Variants in PALM2AKAP2 observed in about 807,000 individuals in gnomAD.
The protein encoded by PALM2AKAP2 is PALM2 and AKAP2 fusion.
In PALM2AKAP2, 37 loss-of-function variants were observed where a neutral mutation model predicts 71.5. The observed-to-expected ratio is 0.52, with a 90% CI of 0.40 to 0.68. PALM2AKAP2 has a LOEUF of 0.68. Among genes scored for constraint, PALM2AKAP2 ranks in the 30% least tolerant of loss-of-function variants. The pLI is 0.00. For synonymous variants in PALM2AKAP2, 468 were observed against 478.8 expected (o/e 0.98, Z 0.29); for missense variants, 1,224 against 1,191.8 (o/e 1.03, Z -0.40).
chr9:109,772,498 C>A (rs1424545169), intron 1 of PALM2AKAP2, among the ~76,000 whole-genome samples: 1 of 152,216 alleles, frequency 6.6e-6, no homozygotes, highest in Non-Finnish European at 1.5e-5. Flanking sequence ...ACAAAAGATC[C>A]AAGTTTTTCT....
chr9:110,164,432 T>G (rs922501115), intron 3 of PALM2AKAP2, among the ~76,000 whole-genome samples: 4 of 152,200 alleles, frequency 2.6e-5, no homozygotes, highest in Non-Finnish European at 4.4e-5. Flanking sequence ...AAAATTAATA[T>G]TAAAGGGTTG....
intron 1 of PALM2AKAP2, among the ~76,000 whole-genome samples, chr9:109,655,155 G>T (rs1176865924): frequency 1.3e-5 from 2 of 152,098 alleles, no homozygotes; most frequent in Non-Finnish European, 2.9e-5. Context: ...AATTAGCCGG[G>T]TGTGGTGGCG....
At chr9:110,122,564 G>A (rs1196410330) in intron 1 of PALM2AKAP2, among the ~76,000 whole-genome samples, 2 of 152,184 alleles carry the variant, frequency 1.3e-5, no homozygotes, top group African/African-American at 2.4e-5. Context: ...TTAATGGGAG[G>A]ATTAAATAGA....
At chr9:109,881,230 G>A (rs1388806692) in intron 3 of PALM2AKAP2, among the ~76,000 whole-genome samples, 2 of 152,114 alleles carry the variant, frequency 1.3e-5, no homozygotes, top group African/African-American at 4.8e-5. Flanking sequence ...CTTTTTTGTG[G>A]CTGCAAAGAG....
At chr9:109,846,667 G>A (rs1386482458) in intron 1 of PALM2AKAP2, among the ~76,000 whole-genome samples, 13 of 152,170 alleles carry the variant, frequency 8.5e-5, no homozygotes, top group Admixed American at 2.6e-4. Context: ...AGTCTTCCTG[G>A]TAGTGTTGTA....
intron 1 of PALM2AKAP2, among the ~76,000 whole-genome samples, chr9:109,676,654 G>C (rs1442710274): frequency 6.6e-6 from 1 of 152,158 alleles, no homozygotes; most frequent in East Asian, 1.9e-4. Flanking sequence ...AAAAGGGCTT[G>C]CATAAATCCC....
chr9:109,819,711 G>A (rs34081699), intron 1 of PALM2AKAP2, among the ~76,000 whole-genome samples: 47,781 of 148,692 alleles, frequency 0.32, 7,787 homozygotes, highest in East Asian at 0.35. Context: ...GTGTATGTGT[G>A]TGTGTGTGTG....
At chr9:109,766,148 T>G (rs1328044153) in intron 1 of PALM2AKAP2, among the ~76,000 whole-genome samples, 1 of 152,214 alleles carries the variant, frequency 6.6e-6, no homozygotes, top group African/African-American at 2.4e-5. Flanking sequence ...GGACATGCTA[T>G]GCACTGAGCA....
intron 7 of PALM2AKAP2, among the ~76,000 whole-genome samples, chr9:110,021,753 A>C (rs954082209): frequency 3.3e-5 from 5 of 152,064 alleles, no homozygotes; most frequent in Non-Finnish European, 7.4e-5. Context: ...AAAAAAAAAA[A>C]AAACAGGTAT....
At chr9:109,760,812 A>G (rs1358901649) in intron 1 of PALM2AKAP2, among the ~76,000 whole-genome samples, 1 of 152,084 alleles carries the variant, frequency 6.6e-6, no homozygotes, top group Non-Finnish European at 1.5e-5. Flanking sequence ...AATGCACTCA[A>G]TTTTCCTCCC....
chr9:110,129,479 T>C (rs1363646711), intron 1 of PALM2AKAP2, among the ~76,000 whole-genome samples: 1 of 152,222 alleles, frequency 6.6e-6, no homozygotes, highest in African/African-American at 2.4e-5. Flanking sequence ...AGGCAGGTGA[T>C]CTTGGGAAAC....
chr9:109,997,905 A>G (rs1249723842), intron 6 of PALM2AKAP2, among the ~76,000 whole-genome samples: 1 of 152,232 alleles, frequency 6.6e-6, no homozygotes, highest in Non-Finnish European at 1.5e-5. Context: ...GGCTTCCTAA[A>G]GCCAAGTGTT....
At chr9:109,697,726 A>G (rs995069596) in intron 1 of PALM2AKAP2, among the ~76,000 whole-genome samples, 3 of 152,186 alleles carry the variant, frequency 2.0e-5, no homozygotes, top group African/African-American at 4.8e-5. Flanking sequence ...CTCATTATCT[A>G]TATCTTAAGA....
chr9:109,771,136 A>G (rs922720990), intron 1 of PALM2AKAP2, among the ~76,000 whole-genome samples: 10 of 152,236 alleles, frequency 6.6e-5, no homozygotes, highest in Non-Finnish European at 1.3e-4. Flanking sequence ...CGAGGCTGTG[A>G]CTTTATAATT....
chr9:109,712,161 A>G (rs1564121824), intron 1 of PALM2AKAP2, among the ~76,000 whole-genome samples: 1 of 152,178 alleles, frequency 6.6e-6, no homozygotes, highest in Admixed American at 6.6e-5. Context: ...AGTCTTCTAA[A>G]TCTTTATGTT....
intron 1 of PALM2AKAP2, among the ~76,000 whole-genome samples, chr9:109,823,634 C>T (rs1005606251): frequency 1.3e-5 from 2 of 152,104 alleles, no homozygotes; most frequent in East Asian, 3.9e-4. Context: ...CAGGCTGCCC[C>T]ACCATGTTCA....
chr9:109,698,702 G>A (rs556672960), intron 1 of PALM2AKAP2, among the ~76,000 whole-genome samples: 1 of 152,340 alleles, frequency 6.6e-6, no homozygotes, highest in East Asian at 1.9e-4. Flanking sequence ...GAAATGCAGA[G>A]TGGGAAGGCT....
chr9:109,807,666 A>G (rs1478993426), intron 1 of PALM2AKAP2, among the ~76,000 whole-genome samples: 2 of 152,088 alleles, frequency 1.3e-5, no homozygotes, highest in Non-Finnish European at 2.9e-5. Flanking sequence ...AATCACTAGC[A>G]ATGACATGGA....
intron 2 of PALM2AKAP2, 118 bp downstream of exon 2, chr9:109,867,689 C>G: frequency 1.7e-6 from 2 of 1,171,688 alleles, no homozygotes; most frequent in Non-Finnish European, 2.3e-6. Context: ...CAGCCTTTTT[C>G]ATTCAATCAG....
Sources: allele counts gnomAD v4.1 joint callset (sites outside exome capture counted in the v4.1 genomes callset), GRCh38; gene constraint gnomAD v4.1.1; transcripts MANE v1.5; gene names NCBI Gene and HGNC (gene_info 2026-07-23, HGNC 2026-07-21).